Variants in TRAK2 observed in about 807,000 individuals in gnomAD.
TRAK2 encodes trafficking kinesin-binding protein 2.
Under a neutral mutation model 104.6 loss-of-function variants are expected in TRAK2, and 81 were observed. The ratio of observed to expected loss-of-function variants is 0.77; its 90% CI spans 0.65 to 0.93. The LOEUF is 0.93. Among genes scored for constraint, TRAK2 ranks in the 40% least tolerant of loss-of-function variants. The pLI is 0.00. For missense variants in TRAK2, 1,002 were observed against 1,089.0 expected, an observed-to-expected ratio of 0.92 and a Z score of 1.12; for synonymous variants, 406 against 394.4, an observed-to-expected ratio of 1.03 and a Z score of -0.35.
intron 7 of TRAK2, among the ~76,000 whole-genome samples, chr2:201,396,519 T>C (rs1951504491): frequency 6.6e-6 from 1 of 152,218 alleles, no homozygotes. Flanking sequence ...CTATACTGTA[T>C]ATATTATGTG....
chr2:201,400,690 C>T (rs751937354), intron 4 of TRAK2, among the ~76,000 whole-genome samples: 9 of 152,022 alleles, frequency 5.9e-5, no homozygotes, highest in Non-Finnish European at 4.4e-5. Context: ...AATGATACTG[C>T]TTTCTGAATG....
At position 201,387,838 on chromosome 2, in the gene TRAK2, C is replaced by T; in HGVS notation, c.1561G>A (p.Val521Ile). Residue 521 changes from valine to isoleucine, a missense_variant, in exon 13 of 16, where the codon GTT becomes ATT. Val to Ile is a conservative substitution (Grantham distance 29, BLOSUM62 3). Coordinates refer to ENST00000332624, the MANE Select transcript of TRAK2 (RefSeq NM_015049.3). ...TCTGTCGGGGTGACACAGCCACTAACTCCTTCCTTCTGGTCTGCCAGAACC... is the reference window on the plus strand; with the variant it reads ...TCTGTCGGGGTGACACAGCCACTAATTCCTTCCTTCTGGTCTGCCAGAACC... ...IQVLADQKEG[V>I]SGCVTPTESL... 1.9e-6 allele frequency: 3 copies of T among 1,614,196 alleles called. No individual in the cohort carries two copies. Among genetic ancestry groups the T allele is most frequent in the Non-Finnish European group, 2.5e-6 (3 of 1,180,030 alleles).
At chr2:201,388,196 C>T (rs769370110) in intron 12 of TRAK2, 195 bp from the exon 13 acceptor site, 2 of 621,044 alleles carry the variant, frequency 3.2e-6, no homozygotes, top group Non-Finnish European at 2.9e-6. Context: ...CAGATCATTG[C>T]AAATGACTTG....
intron 1 of TRAK2, among the ~76,000 whole-genome samples, chr2:201,422,423 T>C (rs1462604986): frequency 6.6e-6 from 1 of 152,218 alleles, no homozygotes; most frequent in Non-Finnish European, 1.5e-5. Flanking sequence ...AGACAGTCTC[T>C]GCTTGGCAAC....
chr2:201,405,082 T>A (rs1576517377), intron 3 of TRAK2, among the ~76,000 whole-genome samples: 1 of 152,226 alleles, frequency 6.6e-6, no homozygotes, highest in Non-Finnish European at 1.5e-5. Flanking sequence ...GCATGGGTGA[T>A]AAGGTAATCC....
chr2:201,393,830 C>A (rs1951471593), intron 9 of TRAK2, among the ~76,000 whole-genome samples: 1 of 152,164 alleles, frequency 6.6e-6, no homozygotes, highest in South Asian at 2.1e-4. Flanking sequence ...TCACTACAGT[C>A]TCAATCTTCT....
chr2:201,428,120 C>T (rs1181695135), intron 1 of TRAK2, among the ~76,000 whole-genome samples: 1 of 151,826 alleles, frequency 6.6e-6, no homozygotes, highest in East Asian at 1.9e-4. Flanking sequence ...TTGTAGGTTG[C>T]CTGTTCACTC....
Position 201,379,106 on chromosome 2 carries a change from A to G in TRAK2, c.*1437T>C, listed in dbSNP as rs1253064415. On this transcript the variant is annotated 3_prime_UTR_variant, in exon 16 of 16. Transcript: ENST00000332624. ...TAGTCCCCTCTCTCATCTTTTCTCTATCATGTCTTTTGTATAAAGACATTT... is the reference window on the plus strand; with the variant it reads ...TAGTCCCCTCTCTCATCTTTTCTCTGTCATGTCTTTTGTATAAAGACATTT... 3 of 152,208 alleles carry G rather than the reference A, an allele frequency of 2.0e-5. No homozygotes were observed. Among genetic ancestry groups the G allele is most frequent in the Non-Finnish European group, 2.9e-5 (2 of 68,034 alleles). The allele number at this position is 152,208 out of a possible 1,614,324, so 9.4% of individuals were successfully genotyped here.
At chr2:201,426,278 G>A (rs1397830569) in intron 1 of TRAK2, among the ~76,000 whole-genome samples, 1 of 152,162 alleles carries the variant, frequency 6.6e-6, no homozygotes, top group African/African-American at 2.4e-5. Context: ...CTGCGCGTGC[G>A]AGGGATCTAG....
rs976795118 is a variant in TRAK2 at position 201,410,828 on chromosome 2, C to A, written c.92-3231G>T. On this transcript the variant is annotated intron_variant, in intron 2 of 15. Transcript: ENST00000332624. ...AAGAGATTATTAAGGGCAGACATAT[C>A]TGTGGGTCTTTGTTGGGTTGGCTTC... The A allele has an allele frequency of 3.1e-6, 5 of 1,606,738 alleles. No individual in the cohort carries two copies. In the African/African-American group the frequency reaches 6.7e-5, roughly 21 times the overall value.
At chr2:201,427,944 T>C (rs1369638046) in intron 1 of TRAK2, among the ~76,000 whole-genome samples, 3 of 152,286 alleles carry the variant, frequency 2.0e-5, no homozygotes, top group Non-Finnish European at 2.9e-5. Flanking sequence ...TTCATGTGTC[T>C]GTTGGCTGCA....
At chr2:201,421,557 G>A (rs1951740457) in intron 1 of TRAK2, among the ~76,000 whole-genome samples, 1 of 150,188 alleles carries the variant, frequency 6.7e-6, no homozygotes, top group Non-Finnish European at 1.5e-5. Flanking sequence ...ATTGTCAGAT[G>A]TCCCCTGGGG....
chr2:201,449,803 C>A lies in TRAK2; in HGVS notation c.-200+1547G>T, dbSNP rs201407829. On this transcript the variant is annotated intron_variant, in intron 1 of 15. Coordinates refer to ENST00000332624, the MANE Select transcript of TRAK2 (RefSeq NM_015049.3). Reference sequence around the variant, plus strand: ...GGGACTACAGGCGCGTGCCACCACGCCCGGCTAATTTCTGTATTTTTAGTA... The same window carrying A: ...GGGACTACAGGCGCGTGCCACCACGACCGGCTAATTTCTGTATTTTTAGTA... Among the ~76,000 whole-genome samples, 7 of 152,186 alleles carry A rather than the reference C, an allele frequency of 4.6e-5. No homozygotes were observed. In the East Asian group the frequency reaches 1.4e-3, roughly 29 times the overall value.
At chr2:201,446,847 G>A (rs771515465) in intron 1 of TRAK2, among the ~76,000 whole-genome samples, 2 of 152,210 alleles carry the variant, frequency 1.3e-5, no homozygotes, top group African/African-American at 2.4e-5. Flanking sequence ...TATTCTGATA[G>A]TTGTATAAAG....
At chr2:201,425,725 T>TAAAA (rs1553623673) in intron 1 of TRAK2, among the ~76,000 whole-genome samples, 1 of 94,026 alleles carries the variant, frequency 1.1e-5, no homozygotes, top group South Asian at 3.7e-4. Flanking sequence ...TTTTTTTTTT[T>TAAAA]AAATAATGTT....
intron 2 of TRAK2, among the ~76,000 whole-genome samples, chr2:201,416,285 G>A (rs1055866075): frequency 6.6e-6 from 1 of 151,066 alleles, no homozygotes; most frequent in Admixed American, 6.6e-5. Flanking sequence ...ACATGCCTGT[G>A]GTCCAAGCTA....
chr2:201,410,823 C>G lies in TRAK2; in HGVS notation c.92-3226G>C. 4.4e-6 allele frequency: 7 copies of G among 1,606,902 alleles called. No individual in the cohort carries two copies. In the South Asian group the frequency reaches 7.7e-5, roughly 18 times the overall value. On this transcript the variant is annotated intron_variant, in intron 2 of 15. Transcript: ENST00000332624. Reference sequence around the variant, plus strand: ...GGCCAAAGAGATTATTAAGGGCAGACATATCTGTGGGTCTTTGTTGGGTTG... The same window carrying G: ...GGCCAAAGAGATTATTAAGGGCAGAGATATCTGTGGGTCTTTGTTGGGTTG...
rs754179868 is a variant in TRAK2 at position 201,392,955 on chromosome 2, G to A, written c.1067C>T (p.Pro356Leu). 1.2e-6 allele frequency: 2 copies of A among 1,613,614 alleles called. No homozygotes were observed. Among genetic ancestry groups the A allele is most frequent in the Non-Finnish European group, 1.7e-6 (2 of 1,179,772 alleles). ...TTGGGAGAAGTAGAGATGAGCAGTA[G>A]GGCCAGATCTACTACGAAGTTCCTT... is the stretch of plus-strand genomic sequence containing the variant. ...EIKELRSRSGPTAHLYFSQSY... is the reference protein window; with the variant it reads ...EIKELRSRSGLTAHLYFSQSY... The change falls in exon 10 of 16, where the codon CCT (proline) becomes CTT (leucine). Residue 356 changes from proline to leucine, a missense_variant. Physicochemically the swap from Pro to Leu is moderately conservative, Grantham distance 98. Coordinates refer to ENST00000332624, the MANE Select transcript of TRAK2 (RefSeq NM_015049.3).
intron 15 of TRAK2, among the ~76,000 whole-genome samples, chr2:201,382,486 G>A (rs997596029): frequency 1.5e-5 from 2 of 137,268 alleles, no homozygotes; most frequent in African/African-American, 5.1e-5. Flanking sequence ...CCTCTGATAT[G>A]GAACAGTCTA....
Sources: allele counts gnomAD v4.1 joint callset (sites outside exome capture counted in the v4.1 genomes callset), GRCh38; gene constraint gnomAD v4.1.1; transcripts MANE v1.5; gene names NCBI Gene and HGNC (gene_info 2026-07-23, HGNC 2026-07-21).